Variants in PCDH15 observed in about 807,000 individuals in gnomAD.
The protein encoded by PCDH15 is protocadherin-15.
In PCDH15, 129 loss-of-function variants were observed where a neutral mutation model predicts 178.5. That is an observed-to-expected ratio of 0.72 (90% confidence interval 0.63 to 0.84). PCDH15 has a LOEUF of 0.84. Ranked by LOEUF, PCDH15 falls within the 40% of genes least tolerant of loss-of-function variation. The pLI is 0.00. For missense variants in PCDH15, 2,230 were observed against 2,099.9 expected, an observed-to-expected ratio of 1.06 and a Z score of -1.21; for synonymous variants, 800 against 732.0, an observed-to-expected ratio of 1.09 and a Z score of -1.50.
intron 1 of PCDH15, among the ~76,000 whole-genome samples, chr10:55,222,819 T>G (rs1005792465): frequency 4.7e-5 from 7 of 150,446 alleles, no homozygotes; most frequent in Non-Finnish European, 7.4e-5. Flanking sequence ...CCCATGGTGA[T>G]TTAAGTGAGA....
At position 55,442,484 on chromosome 10, in the gene PCDH15, T is replaced by TATATATATATATTATATATATATA. The variant is rs1554869649; in HGVS notation, c.-156+185140_-156+185141insTATATATATATAATATATATATAT. Among the ~76,000 whole-genome samples the TATATATATATATTATATATATATA allele has an allele frequency of 6.6e-3, 809 of 123,010 alleles. 12 individuals are homozygous for TATATATATATATTATATATATATA. The highest frequency in any genetic ancestry group is 0.026 in the African/African-American group (760 of 29,356). 80.7% of individuals were successfully genotyped at this position (123,010 alleles called of 152,430 possible). A position where few individuals can be genotyped will look rare whatever the true frequency, so the allele number is the denominator to read the frequency against. On this transcript the variant is annotated intron_variant, in intron 2 of 5. Transcript: ENST00000613346. ...ATATATATATATTATATATATATTA[T>TATATATATATATTATATATATATA]ATATATATATATATATGTAAGCTGG...
Position 54,396,716 on chromosome 10 carries a change from T to C in PCDH15, c.158-17774A>G, listed in dbSNP as rs1023598880. On this transcript the variant is annotated intron_variant, in intron 3 of 37. Coordinates refer to ENST00000644397, the MANE Select transcript of PCDH15 (RefSeq NM_001384140.1). ...AATGCAATAACATAAAGTAGAAAAA[T>C]AGCATATTTTGAAATATATTTCATG... Among the ~76,000 whole-genome samples, 23 of 152,126 alleles carry C rather than the reference T, an allele frequency of 1.5e-4. 1 individual carries two copies. The highest frequency in any genetic ancestry group is 6.6e-5 in the Admixed American group (1 of 15,246).
intron 2 of PCDH15, among the ~76,000 whole-genome samples, chr10:55,030,135 G>A (rs11004686): frequency 6.6e-6 from 1 of 151,950 alleles, no homozygotes; most frequent in Non-Finnish European, 1.5e-5. Context: ...AATTAAGTCA[G>A]TTTCCAAAAA....
At chr10:54,243,267 T>C (rs2055588726) in intron 8 of PCDH15, among the ~76,000 whole-genome samples, 1 of 152,184 alleles carries the variant, frequency 6.6e-6, no homozygotes, top group African/African-American at 2.4e-5. Context: ...CCCAGCACTT[T>C]GGGAGGCCAA....
intron 2 of PCDH15, among the ~76,000 whole-genome samples, chr10:54,641,583 C>T (rs2093989267): frequency 1.2e-5 from 1 of 83,654 alleles, no homozygotes; most frequent in South Asian, 3.3e-4. Flanking sequence ...ATGCAAACAC[C>T]ACACACACAC....
At chr10:54,769,327 T>G (rs1046573678) in intron 1 of PCDH15, among the ~76,000 whole-genome samples, 1 of 151,704 alleles carries the variant, frequency 6.6e-6, no homozygotes, top group African/African-American at 2.4e-5. Flanking sequence ...ATGCCTTTTT[T>G]TTTTTTTTTA....
intron 26 of PCDH15, among the ~76,000 whole-genome samples, chr10:53,871,741 TTTTGTTTTG>T (rs2079876059): frequency 6.6e-6 from 1 of 151,652 alleles, no homozygotes; most frequent in African/African-American, 2.4e-5. Flanking sequence ...TTTTGTTTTG[TTTTGTTTTG>T]TTTTGTTTTG....
In PCDH15 at chr10:53,896,037, T is replaced by A. The variant is rs77642230; in HGVS notation, c.3501+7206A>T. Reference sequence around the variant, plus strand: ...AGCTTCAATTTTCCCAAAAGTGCAATAAGAAATAATTGCATCTACTGCATA... The same window carrying A: ...AGCTTCAATTTTCCCAAAAGTGCAAAAAGAAATAATTGCATCTACTGCATA... On this transcript the variant is annotated intron_variant, in intron 26 of 37. Coordinates refer to ENST00000644397, the MANE Select transcript of PCDH15 (RefSeq NM_001384140.1). Among the ~76,000 whole-genome samples, 24 of 152,286 alleles carry A rather than the reference T, an allele frequency of 1.6e-4. No individual in the cohort carries two copies. In the East Asian group the frequency reaches 4.6e-3, roughly 29 times the overall value.
chr10:55,339,427 A>G (rs1234183523), intron 2 of PCDH15, among the ~76,000 whole-genome samples: 3 of 152,162 alleles, frequency 2.0e-5, no homozygotes, highest in Non-Finnish European at 4.4e-5. Flanking sequence ...ATGTATAAAC[A>G]AGATGTAAGG....
chr10:54,097,847 A>G (rs1239144285), intron 15 of PCDH15, among the ~76,000 whole-genome samples: 1 of 152,130 alleles, frequency 6.6e-6, no homozygotes, highest in Non-Finnish European at 1.5e-5. Context: ...GAAAATGCAC[A>G]CCTCAGGAGG....
rs191238550 is a variant in PCDH15, at chr10:55,548,315, C to T, written c.-156+79310G>A. 2.9e-3 allele frequency among the ~76,000 whole-genome samples: 439 copies of T among 151,758 alleles called. 2 individuals carry two copies. Among genetic ancestry groups the T allele is most frequent in the Non-Finnish European group, 5.0e-3 (338 of 67,938 alleles). On this transcript the variant is annotated intron_variant, in intron 2 of 5. Coordinates refer to the PCDH15 transcript ENST00000613346. The stretch of plus-strand genomic sequence containing the variant: ...TAAAGTTTTGGAGTGGTTTGTTACA[C>T]GCCAATATATAACAAACAGACATAA...
chr10:55,390,417 T>C (rs1837764220), intron 2 of PCDH15, among the ~76,000 whole-genome samples: 1 of 152,120 alleles, frequency 6.6e-6, no homozygotes, highest in African/African-American at 2.4e-5. Flanking sequence ...ATTAATTGAG[T>C]ATTCCTTTCA....
rs1564754413 is a variant in PCDH15 at position 54,236,934 on chromosome 10, G to A, written c.877-3C>T. 3 of 1,599,712 alleles carry A rather than the reference G, an allele frequency of 1.9e-6. No homozygotes were observed. Among genetic ancestry groups the A allele is most frequent in the Non-Finnish European group, 2.6e-6 (3 of 1,168,794 alleles). On this transcript the variant is annotated splice_polypyrimidine_tract_variant and splice_region_variant and intron_variant, in intron 8 of 37. Coordinates refer to ENST00000644397, the MANE Select transcript of PCDH15 (RefSeq NM_001384140.1). ...ACAATAATGGGGTTCAGTTCTTCCT[G>A]AAAAAAAAATTAAGAGAGTTTCATT...
At chr10:55,170,075 A>G (rs16907085) in intron 1 of PCDH15, among the ~76,000 whole-genome samples, 21,427 of 151,994 alleles carry the variant, frequency 0.14, 1,629 homozygotes, top group East Asian at 0.25. Flanking sequence ...ATGCTTTACA[A>G]TGCTACAGAT....
intron 6 of PCDH15, among the ~76,000 whole-genome samples, chr10:54,338,910 A>G (rs1038456585): frequency 6.6e-6 from 1 of 152,224 alleles, no homozygotes; most frequent in East Asian, 1.9e-4. Flanking sequence ...TTGTCTAAAT[A>G]GTCTTATCAA....
chr10:55,154,737 T>C (rs1838837264), intron 2 of PCDH15, among the ~76,000 whole-genome samples: 1 of 152,138 alleles, frequency 6.6e-6, no homozygotes, highest in Non-Finnish European at 1.5e-5. Context: ...TCATCCCATA[T>C]AAATATATAA....
chr10:54,291,536 G>A (rs1399003552), intron 8 of PCDH15, among the ~76,000 whole-genome samples: 2 of 152,064 alleles, frequency 1.3e-5, no homozygotes, highest in East Asian at 3.9e-4. Context: ...TCCAGGAGCT[G>A]GTTTTTTGAA....
intron 23 of PCDH15, among the ~76,000 whole-genome samples, chr10:53,955,703 T>C (rs2087545816): frequency 6.6e-6 from 1 of 152,114 alleles, no homozygotes; most frequent in Admixed American, 6.5e-5. Flanking sequence ...TCCCCCAAAT[T>C]TGATCACAAG....
At chr10:54,053,637 G>A (rs1294480832) in intron 18 of PCDH15, among the ~76,000 whole-genome samples, 2 of 152,086 alleles carry the variant, frequency 1.3e-5, no homozygotes, top group Non-Finnish European at 2.9e-5. Flanking sequence ...TCAAGGTGGG[G>A]GTATAAACAG....
Sources: allele counts gnomAD v4.1 joint callset (sites outside exome capture counted in the v4.1 genomes callset), GRCh38; gene constraint gnomAD v4.1.1; transcripts MANE v1.5; gene names NCBI Gene and HGNC (gene_info 2026-07-23, HGNC 2026-07-21).